PHC3: variants seen among roughly 807,000 people sequenced by gnomAD.
PHC3 encodes the protein polyhomeotic homolog 3, also known as polyhomeotic-like protein 3.
PHC3 carries 13 observed loss-of-function variants against 107.4 expected under a neutral mutation model. The observed-to-expected ratio is 0.12, with a 90% CI of 0.08 to 0.19. The LOEUF (loss-of-function observed/expected upper bound fraction) is 0.19. PHC3 is among the 10% of genes least tolerant of loss of function. PHC3 has a pLI of 1.00. For synonymous variants in PHC3, 456 were observed against 427.4 expected (o/e 1.07, Z -0.83); for missense variants, 992 against 1,210.9 (o/e 0.82, Z 2.68).
At position 170,136,644 on chromosome 3, in the gene PHC3, T is replaced by C; in HGVS notation, c.694A>G (p.Ser232Gly). 1 of 1,613,596 alleles carries C rather than the reference T, an allele frequency of 6.2e-7. No homozygotes were observed. The highest frequency in any genetic ancestry group is 8.5e-7 in the Non-Finnish European group (1 of 1,179,692). Residue 232 changes from serine to glycine, a missense_variant, in exon 7 of 15, where the codon AGC (serine) becomes GGC (glycine). Physicochemically the swap from Ser to Gly is moderately conservative, Grantham distance 56. Coordinates refer to ENST00000495893, the MANE Select transcript of PHC3 (RefSeq NM_024947.4). ...ATQVQNLTLR[S>G]QKLGVLSSSQ... ...CTAGATAATACACCCAACTTCTGGC[T>C]GCGTAATGTTAAATTCTGAACCTAA...
At chr3:170,099,654 C>T (rs985448715) in intron 14 of PHC3, among the ~76,000 whole-genome samples, 4 of 152,086 alleles carry the variant, frequency 2.6e-5, no homozygotes, top group Non-Finnish European at 5.9e-5. Flanking sequence ...GCACATGGGT[C>T]CCAACTGATC....
chr3:170,125,404 G>C (rs1054574300), intron 8 of PHC3, among the ~76,000 whole-genome samples: 23 of 152,128 alleles, frequency 1.5e-4, no homozygotes, highest in African/African-American at 5.1e-4. Context: ...AACAAGTATG[G>C]TTTTATCGAC....
chr3:170,171,645 G>A (rs1729621089), intron 3 of PHC3, among the ~76,000 whole-genome samples, 195 bp from the exon 4 acceptor site: 1 of 152,096 alleles, frequency 6.6e-6, no homozygotes, highest in Non-Finnish European at 1.5e-5. Context: ...GTGAAAACAG[G>A]GGATCCAAAG....
chr3:170,159,251 CAAAA>C (rs1278767405), intron 4 of PHC3, among the ~76,000 whole-genome samples: 3 of 69,578 alleles, frequency 4.3e-5, no homozygotes, highest in Admixed American at 1.7e-4. Flanking sequence ...GACTCGGTCT[CAAAA>C]AAAAAAAAAA....
chr3:170,155,131 C>A lies in PHC3; in HGVS notation c.415-5887G>T, dbSNP rs565751200. Among the ~76,000 whole-genome samples, 3 of 152,356 alleles carry A rather than the reference C, an allele frequency of 2.0e-5. No homozygotes were observed. The East Asian group carries it at 5.8e-4, about 29-fold the overall frequency. ...GAAACAAGTCTGCCAGAAAAAGCCA[C>A]TTAACTCCCAACTACCTGTTAATGT... On this transcript the variant is annotated intron_variant, in intron 4 of 14. Coordinates refer to ENST00000495893, the MANE Select transcript of PHC3 (RefSeq NM_024947.4).
chr3:170,177,659 G>A (rs951732509), intron 2 of PHC3, among the ~76,000 whole-genome samples: 4 of 143,020 alleles, frequency 2.8e-5, no homozygotes, highest in Non-Finnish European at 6.0e-5. Flanking sequence ...GAGCCACCAC[G>A]CCCAGCATTT....
At chr3:170,141,496 T>C (rs1053287426) in intron 6 of PHC3, among the ~76,000 whole-genome samples, 2 of 152,212 alleles carry the variant, frequency 1.3e-5, no homozygotes, top group Non-Finnish European at 2.9e-5. Context: ...AAGTAAGATG[T>C]TTTCTTCATG....
Position 170,089,566 on chromosome 3 carries a change from A to C in PHC3, c.*7664T>G, listed in dbSNP as rs1342967188. On this transcript the variant is annotated 3_prime_UTR_variant, in exon 15 of 15. Transcript: ENST00000495893. ...ATCTTTCTTAATTTAAAAACAAAAA[A>C]TAAATGAACAAGTCAGTTCCAATGA... 1 of 152,244 alleles carries C rather than the reference A, an allele frequency of 6.6e-6. No homozygotes were observed. The highest frequency in any genetic ancestry group is 2.4e-5 in the African/African-American group (1 of 41,476). The allele number at this position is 152,244 out of a possible 1,614,324, so 9.4% of individuals were successfully genotyped here. A position where few individuals can be genotyped will look rare whatever the true frequency, so the allele number is the denominator to read the frequency against.
intron 4 of PHC3, among the ~76,000 whole-genome samples, chr3:170,165,404 T>C (rs1031600372): frequency 1.5e-4 from 23 of 151,876 alleles, no homozygotes; most frequent in African/African-American, 5.1e-4. Flanking sequence ...AACCTCAAAA[T>C]GAACGAAAAG....
At chr3:170,164,759 C>T (rs1489238700) in intron 4 of PHC3, among the ~76,000 whole-genome samples, 2 of 152,276 alleles carry the variant, frequency 1.3e-5, no homozygotes, top group Admixed American at 6.5e-5. Flanking sequence ...AGAAACACCA[C>T]AGGCACAAAC....
At chr3:170,127,603 T>G (rs1270524918) in intron 8 of PHC3, among the ~76,000 whole-genome samples, 1 of 152,190 alleles carries the variant, frequency 6.6e-6, no homozygotes, top group Non-Finnish European at 1.5e-5. Flanking sequence ...TAAAGAACAT[T>G]GAGGATAATC....
In PHC3 at chr3:170,136,532, A is replaced by G; in HGVS notation, c.806T>C (p.Ile269Thr). 3 of 1,610,834 alleles carry G rather than the reference A, an allele frequency of 1.9e-6. No individual in the cohort carries two copies. Among genetic ancestry groups the G allele is most frequent in the South Asian group, 2.2e-5 (2 of 90,424 alleles). ...HNKTTVTSSKISQRDPSPESN... is the reference protein window; with the variant it reads ...HNKTTVTSSKTSQRDPSPESN... ...TTCTGGAGAAGGATCTCGTTGGCTG[A>G]TTTTAGAACTGGTCACTGTTGTTTT... Residue 269 changes from isoleucine (I) to threonine (T), a missense_variant, in exon 7 of 15, where the codon ATC becomes ACC. Transcript: ENST00000495893.
At chr3:170,166,377 C>A (rs1728748244) in intron 4 of PHC3, among the ~76,000 whole-genome samples, 1 of 152,090 alleles carries the variant, frequency 6.6e-6, no homozygotes, top group Non-Finnish European at 1.5e-5. Flanking sequence ...AATAGAATAA[C>A]CAAAATAAAT....
rs2108208140 is a variant in PHC3 at position 170,087,626 on chromosome 3, A to ACTGAT, written c.*9599_*9603dup. Reference sequence around the variant, plus strand: ...TTATTTGTAAAGAAATGAACTTACAACTGATCTACAATATATTATTGTAAT... The same window carrying ACTGAT: ...TTATTTGTAAAGAAATGAACTTACAACTGATCTGATCTACAATATATTATTGTAAT... On this transcript the variant is annotated 3_prime_UTR_variant, in exon 15 of 15. Coordinates refer to ENST00000495893, the MANE Select transcript of PHC3 (RefSeq NM_024947.4). 6.6e-6 allele frequency: 1 copy of ACTGAT among 152,270 alleles called. No individual in the cohort carries two copies. The highest frequency in any genetic ancestry group is 1.9e-4 in the East Asian group (1 of 5,186). 9.4% of individuals were successfully genotyped at this position (152,270 alleles called of 1,614,324 possible).
At chr3:170,141,240 C>T (rs1724053632) in intron 6 of PHC3, among the ~76,000 whole-genome samples, 1 of 152,170 alleles carries the variant, frequency 6.6e-6, no homozygotes, top group African/African-American at 2.4e-5. Context: ...CACTGGAATG[C>T]ATAAGTGTGA....
rs1472032529 is a variant in PHC3 at position 170,113,494 on chromosome 3, T to C, written c.2219A>G (p.Glu740Gly). The C allele has an allele frequency of 1.2e-6, 2 of 1,610,694 alleles. No homozygotes were observed. The highest frequency in any genetic ancestry group is 1.7e-6 in the Non-Finnish European group (2 of 1,178,752). ...AAGAGGCCGTTTTTTCACAGGCTGTTCTATTAGCAAAGAGGAACGACTCAC... is the reference window on the plus strand; with the variant it reads ...AAGAGGCCGTTTTTTCACAGGCTGTCCTATTAGCAAAGAGGAACGACTCAC... ...FPVSRSSLLI[E>G]QPVKKRPLLD... Residue 740 changes from glutamate (E) to glycine (G), a missense_variant, in exon 11 of 15, where the codon GAA becomes GGA. Transcript: ENST00000495893.
intron 4 of PHC3, among the ~76,000 whole-genome samples, chr3:170,158,501 C>A (rs1372582424): frequency 2.6e-5 from 4 of 151,936 alleles, no homozygotes; most frequent in Non-Finnish European, 5.9e-5. Flanking sequence ...ACTTGGGAGG[C>A]TGAGGCAGGA....
intron 10 of PHC3, among the ~76,000 whole-genome samples, chr3:170,116,148 G>GGGA (rs1344755706): frequency 6.6e-6 from 1 of 152,118 alleles, no homozygotes; most frequent in Non-Finnish European, 1.5e-5. Context: ...CATTTTGAGC[G>GGGA]GGACATTTTA....
In PHC3 at chr3:170,159,974, C is replaced by T. The variant is rs554563624; in HGVS notation, c.415-10730G>A. On this transcript the variant is annotated intron_variant, in intron 4 of 14. Coordinates refer to ENST00000495893, the MANE Select transcript of PHC3 (RefSeq NM_024947.4). ...CCACAAAGATTTAGTTTTTCTTCCACATAGCCTTTAAAAGAAAGTTATAAG... is the reference window on the plus strand; with the variant it reads ...CCACAAAGATTTAGTTTTTCTTCCATATAGCCTTTAAAAGAAAGTTATAAG... 1.4e-3 allele frequency among the ~76,000 whole-genome samples: 216 copies of T among 152,310 alleles called. 2 individuals are homozygous for T. The highest frequency in any genetic ancestry group is 4.9e-3 in the African/African-American group (202 of 41,580).
Sources: gnomAD v4.1 joint callset for allele counts (sites outside exome capture counted in the v4.1 genomes callset) on GRCh38, gnomAD v4.1.1 for gene constraint, MANE v1.5 for transcripts, NCBI Gene and HGNC (gene_info 2026-07-23, HGNC 2026-07-21) for gene names.